IL1RAPL2: variants seen among roughly 807,000 people sequenced by gnomAD.
The protein encoded by IL1RAPL2 is interleukin 1 receptor accessory protein like 2.
A neutral mutation model predicts 44.1 loss-of-function variants in IL1RAPL2; 3 were observed. The ratio of observed to expected loss-of-function variants is 0.07; its 90% CI spans 0.03 to 0.18. IL1RAPL2 has a LOEUF of 0.18. Ranked by LOEUF, IL1RAPL2 falls within the 10% of genes least tolerant of loss-of-function variation. The probability of loss-of-function intolerance (pLI) is 1.00; values close to 1 mark genes in which losing one functional copy is unlikely to be tolerated. For missense variants in IL1RAPL2, 391 were observed against 496.4 expected (o/e 0.79, Z 2.02); for synonymous variants, 181 against 178.8 (o/e 1.01, Z -0.10).
At position 105,157,141 on chromosome X, in the gene IL1RAPL2, T is replaced by A. The variant is rs764886105; in HGVS notation, c.83-38334T>A. On this transcript the variant is annotated intron_variant, in intron 2 of 10. Coordinates refer to ENST00000372582, the MANE Select transcript of IL1RAPL2 (RefSeq NM_017416.2). The stretch of plus-strand genomic sequence containing the variant: ...AAAAAAAAAAGATCTTTCCTTTTTT[T>A]AAAAAAAGCATATGCCATGAAAATT... 8.9e-4 allele frequency among the ~76,000 whole-genome samples: 98 copies of A among 109,902 alleles called. 1 individual carries two copies. Among genetic ancestry groups the A allele is most frequent in the African/African-American group, 3.1e-3 (95 of 30,199 alleles).
At chrX:105,180,623 T>A (rs144384231) in intron 2 of IL1RAPL2, among the ~76,000 whole-genome samples, 100 of 112,407 alleles carry the variant, frequency 8.9e-4, no homozygotes, top group African/African-American at 3.1e-3. Context: ...TTCAGTCTGT[T>A]GATGTGTCGT....
chrX:105,521,844 C>T (rs921656904), intron 6 of IL1RAPL2, among the ~76,000 whole-genome samples: 3 of 112,127 alleles, frequency 2.7e-5, no homozygotes, highest in South Asian at 3.7e-4. Context: ...TAATCCTTAC[C>T]GCCAAGAAAC....
At chrX:104,765,802 C>T (rs1305348537) in intron 2 of IL1RAPL2, among the ~76,000 whole-genome samples, 15 of 111,984 alleles carry the variant, frequency 1.3e-4, no homozygotes, top group Non-Finnish European at 5.6e-5. Context: ...AAAGTACCTG[C>T]ATCAGTGGTA....
At position 104,838,962 on chromosome X, in the gene IL1RAPL2, G is replaced by A. The variant is rs191496224; in HGVS notation, c.82+179967G>A. ...CCTCCTAGGTTCAAGTGATTCTCCT[G>A]CCTCTGCCTCCTGAGTGGCTGGAAT... On this transcript the variant is annotated intron_variant, in intron 2 of 10. Coordinates refer to ENST00000372582, the MANE Select transcript of IL1RAPL2 (RefSeq NM_017416.2). 3.2e-3 allele frequency among the ~76,000 whole-genome samples: 326 copies of A among 102,269 alleles called. 2 individuals carry two copies. The highest frequency in any genetic ancestry group is 5.3e-3 in the Middle Eastern group (1 of 190). The allele number at this position is 102,269 out of a possible 115,157, so 88.8% of individuals were successfully genotyped here.
chrX:105,618,238 C>T (rs1044202249), intron 6 of IL1RAPL2, among the ~76,000 whole-genome samples: 10 of 108,592 alleles, frequency 9.2e-5, no homozygotes, highest in Admixed American at 9.0e-4. Context: ...CATTTAGCTC[C>T]CACACAGAGG....
intron 2 of IL1RAPL2, among the ~76,000 whole-genome samples, chrX:104,847,703 A>G (rs1922094784): frequency 9.0e-6 from 1 of 111,680 alleles, no homozygotes; most frequent in South Asian, 3.8e-4. Flanking sequence ...TATGAACTTT[A>G]AAGTAGTTTT....
chrX:104,912,752 C>T (rs1736918653), intron 2 of IL1RAPL2, among the ~76,000 whole-genome samples: 1 of 111,387 alleles, frequency 9.0e-6, no homozygotes, highest in African/African-American at 3.3e-5. Context: ...CCCTTATTCA[C>T]CATGATGCAA....
chrX:105,461,650 C>A, intron 5 of IL1RAPL2, among the ~76,000 whole-genome samples: 1 of 111,621 alleles, frequency 9.0e-6, no homozygotes, highest in Middle Eastern at 4.6e-3. Context: ...AATCACTGAT[C>A]CTTCCATCAG....
chrX:104,788,279 C>T (rs1932808777), intron 2 of IL1RAPL2, among the ~76,000 whole-genome samples: 2 of 111,644 alleles, frequency 1.8e-5, no homozygotes, highest in Admixed American at 1.9e-4. Flanking sequence ...GTGCTGTCAG[C>T]CTTGGGCTTA....
chrX:105,331,968 T>G (rs1189476426), intron 5 of IL1RAPL2, among the ~76,000 whole-genome samples: 1 of 109,622 alleles, frequency 9.1e-6, no homozygotes, highest in Non-Finnish European at 1.9e-5. Context: ...CGCTGTCTCT[T>G]CAAGAAGTGA....
intron 2 of IL1RAPL2, among the ~76,000 whole-genome samples, chrX:104,772,038 C>T (rs1932649008): frequency 9.0e-6 from 1 of 111,104 alleles, no homozygotes; most frequent in Admixed American, 9.6e-5. Flanking sequence ...TTTGTGTGAC[C>T]CTAGAAGAGT....
intron 3 of IL1RAPL2, among the ~76,000 whole-genome samples, chrX:105,206,915 G>A (rs949598371): frequency 1.8e-5 from 2 of 111,380 alleles, no homozygotes; most frequent in Non-Finnish European, 3.8e-5. Context: ...TATAAGACTC[G>A]TGATGAATCA....
At chrX:105,520,578 AT>A (rs1012437496) in intron 6 of IL1RAPL2, among the ~76,000 whole-genome samples, 1 of 111,267 alleles carries the variant, frequency 9.0e-6, no homozygotes, top group Non-Finnish European at 1.9e-5. Context: ...TGTGCCATAT[AT>A]TTTTTTCTTC....
chrX:105,237,449 A>C (rs1184858731), intron 4 of IL1RAPL2, among the ~76,000 whole-genome samples: 1 of 112,097 alleles, frequency 8.9e-6, no homozygotes, highest in Admixed American at 9.5e-5. Flanking sequence ...GAACCAGTTT[A>C]CAGTCCCACC....
chrX:104,786,065 AG>A (rs1447117771), intron 2 of IL1RAPL2, among the ~76,000 whole-genome samples: 3 of 112,602 alleles, frequency 2.7e-5, no homozygotes, highest in African/African-American at 9.7e-5. Context: ...AAATACTTTT[AG>A]TTCTTTTATC....
Position 105,757,794 on chromosome X carries a change from G to A in IL1RAPL2, c.1363+2447G>A, listed in dbSNP as rs909193289. ...CGATTTGCGAGTGTAACCTGCAGAG[G>A]CTCTTAAAAAGGCCCTTTGACAATT... On this transcript the variant is annotated intron_variant, in intron 10 of 10. Coordinates refer to ENST00000372582, the MANE Select transcript of IL1RAPL2 (RefSeq NM_017416.2). 4.5e-5 allele frequency among the ~76,000 whole-genome samples: 5 copies of A among 111,623 alleles called. No homozygotes were observed. In the East Asian group the frequency reaches 1.4e-3, roughly 32 times the overall value.
chrX:104,710,527 G>A (rs1377366640), intron 2 of IL1RAPL2, among the ~76,000 whole-genome samples: 1 of 111,323 alleles, frequency 9.0e-6, no homozygotes, highest in Non-Finnish European at 1.9e-5. Context: ...AGGGATTAGT[G>A]AAAATGTTGT....
chrX:104,764,317 A>T (rs1049087866), intron 2 of IL1RAPL2, among the ~76,000 whole-genome samples: 20 of 111,396 alleles, frequency 1.8e-4, no homozygotes, highest in Non-Finnish European at 3.6e-4. Flanking sequence ...ATGTGTGGTT[A>T]TTGTAAATGG....
chrX:105,295,427 G>A (rs964440477), intron 5 of IL1RAPL2, among the ~76,000 whole-genome samples: 2 of 111,638 alleles, frequency 1.8e-5, no homozygotes, highest in African/African-American at 3.3e-5. Flanking sequence ...GCTTTGGGTC[G>A]AATTGATTAG....
Sources: allele counts gnomAD v4.1 joint callset (sites outside exome capture counted in the v4.1 genomes callset), GRCh38; gene constraint gnomAD v4.1.1; transcripts MANE v1.5; gene names NCBI Gene and HGNC (gene_info 2026-07-23, HGNC 2026-07-21).